The following CHD1L variants were observed in gnomAD, a reference collection of about 807,000 sequenced individuals.
The protein encoded by CHD1L is chromodomain helicase DNA binding protein 1 like.
CHD1L carries 118 observed loss-of-function variants against 115.9 expected under a neutral mutation model. The observed-to-expected ratio is 1.02, with a 90% CI of 0.88 to 1.19. CHD1L has a LOEUF of 1.19. Ranked by LOEUF, CHD1L falls within the 50% of genes most tolerant of loss-of-function variation. The pLI is 0.00. For synonymous variants in CHD1L, 411 were observed against 387.1 expected, an observed-to-expected ratio of 1.06 and a Z score of -0.72; for missense variants, 1,179 against 1,065.3, an observed-to-expected ratio of 1.11 and a Z score of -1.49.
In CHD1L at chr1:147,265,932, C is replaced by T. The variant is rs199929968; in HGVS notation, c.740C>T (p.Ala247Val). The T allele has an allele frequency of 1.1e-5, 18 of 1,604,190 alleles. No homozygotes were observed. In the East Asian group the frequency reaches 3.8e-4, roughly 34 times the overall value. ...YQDIEKESES[A>V]SELHKLLQPF... ...TCTTGTATTTTTTTTTCTTATGTAG[C>T]AAGTGAACTGCACAAACTCTTGCAG... Residue 247 changes from alanine (A) to valine (V), a missense_variant and splice_region_variant, in exon 8 of 23, where the codon GCA becomes GTA. Transcript: ENST00000369258.
rs782811232 is a variant in CHD1L at position 147,275,476 on chromosome 1, A to AT, written c.1385+15dup. The stretch of plus-strand genomic sequence containing the variant: ...TCGCATTGGCCAAAACAAGTAAGTG[A>AT]TTTTTTTCTGCTTCCTTGGCTTGCC... On this transcript the variant is annotated intron_variant, in intron 13 of 22. Transcript: ENST00000369258. 15 of 1,605,974 alleles carry AT rather than the reference A, an allele frequency of 9.3e-6. No homozygotes were observed. Among genetic ancestry groups the AT allele is most frequent in the African/African-American group, 5.4e-5 (4 of 74,704 alleles).
At chr1:147,184,070 C>T in the CHD1L span, among the ~76,000 whole-genome samples, 3 of 152,118 alleles carry the variant, frequency 2.0e-5, no homozygotes, top group Non-Finnish European at 4.4e-5. The surrounding 1 kb of genome is among the most constrained non-coding windows in gnomAD (Gnocchi z 4.4). Flanking sequence ...AATTAAGTTA[C>T]ATTATGCATT....
intron 16 of CHD1L, among the ~76,000 whole-genome samples, chr1:147,285,105 A>G (rs781903891): frequency 6.6e-6 from 1 of 152,220 alleles, no homozygotes; most frequent in Non-Finnish European, 1.5e-5. Flanking sequence ...GCTAGGGCTG[A>G]GTTTACAGCA....
Position 147,259,875 on chromosome 1 carries a change from G to A in CHD1L, c.533G>A (p.Arg178Lys), listed in dbSNP as rs782199607. The change falls in exon 6 of 23, where the codon AGG becomes AAG. Residue 178 changes from arginine to lysine, a missense_variant. By Grantham distance (26) the Arg-to-Lys change is conservative (BLOSUM62 2). Transcript: ENST00000369258. ...GTTCTTGTTGTGGATGAAGCTCACA[G>A]GTTGAAAAACCAAAGCTCCCTGCTG... ...WSVLVVDEAHRLKNQSSLLHK... is the reference protein window; with the variant it reads ...WSVLVVDEAHKLKNQSSLLHK... 3 of 1,613,756 alleles carry A rather than the reference G, an allele frequency of 1.9e-6. No homozygotes were observed. The highest frequency in any genetic ancestry group is 1.1e-5 in the South Asian group (1 of 91,066).
chr1:147,209,437 CAA>C, the CHD1L span, among the ~76,000 whole-genome samples: 3 of 109,898 alleles, frequency 2.7e-5, no homozygotes, highest in African/African-American at 1.1e-4. Flanking sequence ...GACTCCGTCT[CAA>C]AAAAAAAAAA....
the CHD1L span, among the ~76,000 whole-genome samples, chr1:147,195,561 T>C: frequency 6.6e-6 from 1 of 152,164 alleles, no homozygotes; most frequent in African/African-American, 2.4e-5. Context: ...TATTAACTGA[T>C]AAATTTAAGT....
chr1:147,206,035 T>G, the CHD1L span, among the ~76,000 whole-genome samples: 4 of 151,160 alleles, frequency 2.6e-5, no homozygotes, highest in African/African-American at 7.3e-5. Context: ...AGGGCTAATA[T>G]CCAGAATCTA....
At chr1:147,205,710 C>T in the CHD1L span, among the ~76,000 whole-genome samples, 1 of 152,108 alleles carries the variant, frequency 6.6e-6, no homozygotes, top group African/African-American at 2.4e-5. Context: ...ACTGGCTAGC[C>T]ATATGTACAA....
chr1:147,210,962 T>G, the CHD1L span: 2 of 152,232 alleles, frequency 1.3e-5, no homozygotes, highest in African/African-American at 4.8e-5. Flanking sequence ...CATGATATAC[T>G]GAAATATATA....
chr1:147,237,702 A>T (rs137855735), upstream of CHD1L, among the ~76,000 whole-genome samples: 1 of 152,288 alleles, frequency 6.6e-6, no homozygotes, highest in East Asian at 1.9e-4. Context: ...TTAAATTTCC[A>T]GTTTGGCAAA....
intron 5 of CHD1L, among the ~76,000 whole-genome samples, chr1:147,257,636 A>G (rs1446985177): frequency 6.6e-6 from 1 of 152,210 alleles, no homozygotes; most frequent in East Asian, 1.9e-4. Flanking sequence ...GTCTCAAAAG[A>G]TAATAAAATT....
chr1:147,271,064 G>T (rs957684731), intron 11 of CHD1L, 59 bp downstream of exon 11: 3 of 1,340,070 alleles, frequency 2.2e-6, no homozygotes, highest in Non-Finnish European at 3.2e-6. Context: ...AGTCCAGATA[G>T]GTCCATGAAG....
Position 147,254,911 on chromosome 1 carries a change from T to C in CHD1L, c.282T>C (p.Asp94=). The C allele has an allele frequency of 6.2e-7, 1 of 1,611,092 alleles. No homozygotes were observed. Among genetic ancestry groups the C allele is most frequent in the South Asian group, 1.1e-5 (1 of 90,336 alleles). Residue 94 remains aspartate, a synonymous_variant, in exon 3 of 23, where the codon GAT becomes GAC. Transcript: ENST00000369258. ...LFIYLAGRLN[D]EGPFLILCPL... ...TTTATTTGGCAGGAAGATTAAATGA[T>C]GAAGGGCCATTTCTGATTCTTTGTC...
At chr1:147,176,259 G>C in the CHD1L span, 2 of 152,140 alleles carry the variant, frequency 1.3e-5, no homozygotes, top group South Asian at 4.2e-4. Context: ...AAATAATAGT[G>C]ATTCTGCTCA....
At chr1:147,257,915 A>G (rs74121849) in intron 5 of CHD1L, among the ~76,000 whole-genome samples, 1,851 of 152,266 alleles carry the variant, frequency 0.012, 31 homozygotes, top group African/African-American at 0.042. Context: ...TTTCTATTTC[A>G]GATAATCGGT....
the CHD1L span, among the ~76,000 whole-genome samples, chr1:147,233,267 C>T: frequency 0.087 from 13,278 of 151,820 alleles, 643 homozygotes; most frequent in East Asian, 0.15. Context: ...GCCCGGCAGC[C>T]GCCCCGTCTG....
At chr1:147,190,648 A>G in the CHD1L span, among the ~76,000 whole-genome samples, 10,590 of 152,140 alleles carry the variant, frequency 0.07, 957 homozygotes, top group African/African-American at 0.2. Context: ...AAGGGACCTT[A>G]TATCAACAGA....
At chr1:147,245,534 T>C (rs1207186229) in intron 1 of CHD1L, among the ~76,000 whole-genome samples, 2 of 152,160 alleles carry the variant, frequency 1.3e-5, no homozygotes, top group African/African-American at 4.8e-5. Context: ...TAGATGTTAC[T>C]CCTCCAGGCC....
intron 18 of CHD1L, 69 bp from the exon 19 acceptor site, chr1:147,287,566 C>T (rs12033138): frequency 1.8e-6 from 2 of 1,110,550 alleles, no homozygotes; most frequent in African/African-American, 1.6e-5. Context: ...TTTTGTGTGC[C>T]TTTGTTTTTC....
Sources: allele counts gnomAD v4.1 joint callset (sites outside exome capture counted in the v4.1 genomes callset), GRCh38; gene constraint gnomAD v4.1.1; non-coding constraint Gnocchi (gnomAD v3.1); transcripts MANE v1.5; gene names NCBI Gene and HGNC (gene_info 2026-07-23, HGNC 2026-07-21).